RIPK4: variants seen among roughly 807,000 people sequenced by gnomAD.
The protein encoded by RIPK4 is receptor interacting serine/threonine kinase 4.
In RIPK4, 17 loss-of-function variants were observed where a neutral mutation model predicts 42.9. That is an observed-to-expected ratio of 0.40 (90% confidence interval 0.27 to 0.59). The LOEUF is 0.59. RIPK4 is among the 20% of genes least tolerant of loss of function. The pLI, the probability that RIPK4 is intolerant of heterozygous loss-of-function variation, is 0.47. For synonymous variants in RIPK4, 498 were observed against 499.1 expected (o/e 1.00, Z 0.03); for missense variants, 897 against 1,104.4 (o/e 0.81, Z 2.66).
intron 1 of RIPK4, among the ~76,000 whole-genome samples, chr21:41,758,137 T>C (rs566261942): frequency 3.8e-4 from 54 of 142,624 alleles, no homozygotes; most frequent in African/African-American, 1.4e-3. Context: ...AGGTGTACAA[T>C]TCCCTGACAT....
chr21:41,761,728 G>A (rs2061220921), intron 1 of RIPK4, among the ~76,000 whole-genome samples: 1 of 152,236 alleles, frequency 6.6e-6, no homozygotes, highest in Non-Finnish European at 1.5e-5. Context: ...CGTATTCTGA[G>A]AACAATGTCA....
rs1569098907 is a variant in RIPK4 at position 41,741,585 on chromosome 21, C to T, written c.1608G>A (p.Glu536=). Residue 536 remains glutamate, a synonymous_variant, in exon 8 of 8, where the codon GAG becomes GAA. Transcript: ENST00000332512. The part of the protein sequence containing the change: ...KNASVNEVDF[E]GRTPMHVACQ... ...AGGCCACGTGCATGGGCGTCCGGCC[C>T]TCAAAGTCCACCTCGTTGACCGAGG... 6.2e-7 allele frequency: 1 copy of T among 1,611,932 alleles called. No homozygotes were observed. Among genetic ancestry groups the T allele is most frequent in the Non-Finnish European group, 8.5e-7 (1 of 1,180,042 alleles).
intron 1 of RIPK4, among the ~76,000 whole-genome samples, chr21:41,758,074 A>G (rs1048691010): frequency 7.1e-6 from 1 of 140,678 alleles, no homozygotes; most frequent in East Asian, 2.0e-4. Flanking sequence ...AGAGAGAGAG[A>G]GAAAATGTAG....
rs1353617028 is a variant in RIPK4, at chr21:41,766,850, G to A, written c.182+10C>T. On this transcript the variant is annotated intron_variant, in intron 1 of 7. Coordinates refer to ENST00000332512, the MANE Select transcript of RIPK4 (RefSeq NM_020639.3). ...CCCAGCCGCCCCAGCGCCCCGCCCG[G>A]GCCGCTCACCTGTCGTCGACGTGCA... is the stretch of plus-strand genomic sequence containing the variant. The A allele has an allele frequency of 3.1e-6, 5 of 1,603,188 alleles. No homozygotes were observed. Among genetic ancestry groups the A allele is most frequent in the Non-Finnish European group, 4.3e-6 (5 of 1,175,578 alleles).
At chr21:41,761,489 C>A (rs901846249) in intron 1 of RIPK4, among the ~76,000 whole-genome samples, 1 of 152,208 alleles carries the variant, frequency 6.6e-6, no homozygotes, top group Non-Finnish European at 1.5e-5. Flanking sequence ...ACCAGTGTGG[C>A]CTCCCTCCTC....
At chr21:41,745,710 T>C (rs1260672413) in intron 6 of RIPK4, 49 bp downstream of exon 6, 2 of 1,443,488 alleles carry the variant, frequency 1.4e-6, no homozygotes, top group Non-Finnish European at 1.9e-6. Context: ...TGGAAACTCC[T>C]GCCTGGAAGC....
chr21:41,741,376 G>A lies in RIPK4; in HGVS notation c.1817C>T (p.Thr606Met), dbSNP rs753976319. The A allele has an allele frequency of 7.4e-6, 12 of 1,612,152 alleles. No homozygotes were observed. Among genetic ancestry groups the A allele is most frequent in the East Asian group, 6.7e-5 (3 of 44,888 alleles). ...SVNAQTLDGR[T>M]PLHLAAQRGH... is the part of the protein sequence containing the mutation. ...GCGCTGTGCGGCCAGGTGCAATGGC[G>A]TCCTCCCATCCAGCGTCTGGGCGTT... Residue 606 changes from threonine to methionine, a missense_variant, in exon 8 of 8, where the codon ACG becomes ATG. Thr to Met is a moderately conservative substitution (Grantham distance 81, BLOSUM62 -1). Transcript: ENST00000332512.
rs915660508 is a variant in RIPK4, at chr21:41,740,777, A to G, written c.*61T>C. The stretch of plus-strand genomic sequence containing the variant: ...CCCCACGCAGGATCGTTCCATCCCC[A>G]CGAGGAACACAGGACAGGACAAGAG... On this transcript the variant is annotated 3_prime_UTR_variant, in exon 8 of 8. Transcript: ENST00000332512. The G allele has an allele frequency of 2.5e-5, 37 of 1,485,472 alleles. No individual in the cohort carries two copies. The African/African-American group carries it at 4.5e-4, about 18-fold the overall frequency. The allele number at this position is 1,485,472 out of a possible 1,614,324, so 92.0% of individuals were successfully genotyped here.
chr21:41,743,774 G>T, intron 7 of RIPK4, 108 bp downstream of exon 7: 1 of 1,365,768 alleles, frequency 7.3e-7, no homozygotes, highest in Non-Finnish European at 9.9e-7. Context: ...AAGAATTCTT[G>T]CTGGGTCAAG....
intron 3 of RIPK4, among the ~76,000 whole-genome samples, chr21:41,750,543 C>T (rs1005119903): frequency 6.6e-6 from 1 of 152,206 alleles, no homozygotes; most frequent in Non-Finnish European, 1.5e-5. Context: ...ATCACCAAGG[C>T]TCTGACAGGG....
Position 41,751,755 on chromosome 21 carries a change from C to T in RIPK4, c.475-510G>A, listed in dbSNP as rs1481179485. Reference sequence around the variant, plus strand: ...TCCTTTAAAGGGAAACACAGAAACACACCTTCAGAAGCCCTTTAAACTTTA... The same window carrying T: ...TCCTTTAAAGGGAAACACAGAAACATACCTTCAGAAGCCCTTTAAACTTTA... On this transcript the variant is annotated intron_variant, in intron 2 of 7. Transcript: ENST00000332512. The surrounding 1 kb of genome is among the most constrained non-coding windows in gnomAD (Gnocchi z 4.5). Among the ~76,000 whole-genome samples, 1 of 152,242 alleles carries T rather than the reference C, an allele frequency of 6.6e-6. No homozygotes were observed. The highest frequency in any genetic ancestry group is 1.5e-5 in the Non-Finnish European group (1 of 68,044).
At chr21:41,762,221 TTG>T (rs1299009998) in intron 1 of RIPK4, among the ~76,000 whole-genome samples, 1 of 152,056 alleles carries the variant, frequency 6.6e-6, no homozygotes, top group Admixed American at 6.5e-5. Context: ...GACAAAAGTG[TTG>T]TGACAGCATG....
intron 1 of RIPK4, among the ~76,000 whole-genome samples, chr21:41,759,816 T>G (rs2061215453): frequency 6.6e-6 from 1 of 152,246 alleles, no homozygotes; most frequent in African/African-American, 2.4e-5. Context: ...GAAAACACTT[T>G]CCCTGCAGGA....
rs536984991 is a variant in RIPK4 at position 41,742,009 on chromosome 21, G to A, written c.1196-12C>T. On this transcript the variant is annotated splice_polypyrimidine_tract_variant and intron_variant, in intron 7 of 7. Coordinates refer to ENST00000332512, the MANE Select transcript of RIPK4 (RefSeq NM_020639.3). The surrounding 1 kb of genome is among the most constrained non-coding windows in gnomAD (Gnocchi z 5.1). ...TGTGGTGCCCAGATCTGCAGGGAGA[G>A]GAGAGGCAAAGGTCAGAGCGTGGCT... 7 of 1,569,580 alleles carry A rather than the reference G, an allele frequency of 4.5e-6. No homozygotes were observed. The highest frequency in any genetic ancestry group is 5.2e-6 in the Non-Finnish European group (6 of 1,155,752).
intron 1 of RIPK4, 108 bp from the exon 2 acceptor site, chr21:41,756,924 T>C: frequency 1.6e-5 from 18 of 1,125,790 alleles, no homozygotes; most frequent in Non-Finnish European, 2.1e-5. Context: ...AGCAAATGCC[T>C]CAAGTGCACA....
intron 6 of RIPK4, among the ~76,000 whole-genome samples, chr21:41,745,096 C>T (rs2061166577): frequency 6.6e-6 from 1 of 152,152 alleles, no homozygotes; most frequent in African/African-American, 2.4e-5. Flanking sequence ...GTACTAGCAA[C>T]CCCCGGGCAC....
chr21:41,748,763 G>A (rs547406242), intron 4 of RIPK4, among the ~76,000 whole-genome samples: 7 of 152,336 alleles, frequency 4.6e-5, no homozygotes, highest in Admixed American at 2.6e-4. Flanking sequence ...TGGGGCTTGA[G>A]CAGGAGGAAG....
rs751073625 is a variant in RIPK4 at position 41,745,826 on chromosome 21, G to A, written c.869C>T (p.Pro290Leu). The stretch of plus-strand genomic sequence containing the variant: ...AGCAGTTTCTTTCACTTCGTCATCA[G>A]GCTTTTCACACAGGTCCTCGGTTTC... ...TSETEDLCEK[P>L]DDEVKETAHD... Residue 290 changes from proline to leucine, a missense_variant, in exon 6 of 8, where the codon CCT (proline) becomes CTT (leucine). Coordinates refer to ENST00000332512, the MANE Select transcript of RIPK4 (RefSeq NM_020639.3). 1.2e-6 allele frequency: 2 copies of A among 1,614,232 alleles called. No homozygotes were observed. The highest frequency in any genetic ancestry group is 1.1e-5 in the South Asian group (1 of 91,086).
chr21:41,765,079 C>A (rs1486351124), intron 1 of RIPK4, among the ~76,000 whole-genome samples: 3 of 152,218 alleles, frequency 2.0e-5, no homozygotes, highest in African/African-American at 7.2e-5. Context: ...AGGGACTGGT[C>A]GCTAGAAATA....
Sources: allele counts gnomAD v4.1 joint callset (sites outside exome capture counted in the v4.1 genomes callset), GRCh38; gene constraint gnomAD v4.1.1; non-coding constraint Gnocchi (gnomAD v3.1); transcripts MANE v1.5; gene names NCBI Gene and HGNC (gene_info 2026-07-23, HGNC 2026-07-21).